The following TRAPPC8 variants were observed in gnomAD, a reference collection of about 807,000 sequenced individuals.
The protein encoded by TRAPPC8 is trafficking protein particle complex subunit 8.
In TRAPPC8, 54 loss-of-function variants were observed where a neutral mutation model predicts 174.3. That is an observed-to-expected ratio of 0.31 (90% CI 0.25 to 0.39). The LOEUF (loss-of-function observed/expected upper bound fraction) is 0.39, where lower values mean the gene tolerates loss of function less well. TRAPPC8 is among the 10% of genes least tolerant of loss of function. TRAPPC8 has a pLI of 1.00. For missense variants in TRAPPC8, 1,531 were observed against 1,699.1 expected (o/e 0.90, Z 1.74); for synonymous variants, 630 against 579.9 (o/e 1.09, Z -1.24).
intron 12 of TRAPPC8, among the ~76,000 whole-genome samples, chr18:31,877,084 G>A (rs973406301): frequency 6.6e-6 from 1 of 152,208 alleles, no homozygotes; most frequent in Non-Finnish European, 1.5e-5. Context: ...GCCCCTAGGG[G>A]AAGGGGGGAC....
intron 7 of TRAPPC8, 28 bp from the exon 8 acceptor site, chr18:31,908,446 CAAACA>C (rs1314462847): frequency 1.5e-6 from 2 of 1,316,852 alleles, no homozygotes; most frequent in African/African-American, 3.0e-5. Flanking sequence ...AATATGTTGA[CAAACA>C]AAGAATTTAG....
intron 19 of TRAPPC8, 132 bp from the exon 20 acceptor site, chr18:31,858,114 C>T (rs1256115351): frequency 7.0e-6 from 5 of 716,238 alleles, no homozygotes; most frequent in Non-Finnish European, 1.1e-5. Flanking sequence ...TTGGTATCTC[C>T]CTGAATATGT....
intron 13 of TRAPPC8, 80 bp downstream of exon 13, chr18:31,874,400 G>C (rs775530574): frequency 8.8e-6 from 12 of 1,366,492 alleles, no homozygotes; most frequent in African/African-American, 1.5e-5. Context: ...TAAAACTATC[G>C]TAAGATATGG....
intron 27 of TRAPPC8, among the ~76,000 whole-genome samples, chr18:31,835,829 A>T (rs2032680665): frequency 6.6e-6 from 1 of 152,198 alleles, no homozygotes; most frequent in South Asian, 2.1e-4. Context: ...CAAAAGTCTT[A>T]AATGTGCTTT....
At chr18:31,883,717 T>A (rs933903511) in intron 12 of TRAPPC8, 2 of 152,158 alleles carry the variant, frequency 1.3e-5, no homozygotes, top group African/African-American at 4.8e-5. Context: ...ATAACAGGTA[T>A]CTCAAATAGA....
chr18:31,907,446 C>A lies in TRAPPC8; in HGVS notation c.1389+14G>T. The A allele has an allele frequency of 6.5e-7, 1 of 1,529,048 alleles. No homozygotes were observed. The highest frequency in any genetic ancestry group is 8.8e-7 in the Non-Finnish European group (1 of 1,134,706). 94.7% of individuals were successfully genotyped at this position (1,529,048 alleles called of 1,614,324 possible). ...TAGCAGAATTAAGGAATTATAATAC[C>A]ATAGAATACCAACCAAGGCACCAGC... On this transcript the variant is annotated intron_variant, in intron 9 of 28. Transcript: ENST00000283351.
At chr18:31,898,006 G>T in intron 10 of TRAPPC8, 115 bp from the exon 11 acceptor site, 1 of 891,108 alleles carries the variant, frequency 1.1e-6, no homozygotes, top group Non-Finnish European at 1.7e-6. Flanking sequence ...GCAGGGAGAT[G>T]GTTCCAGGAC....
At chr18:31,832,412 TTTTCA>T in intron 27 of TRAPPC8, 1 of 176,094 alleles carries the variant, frequency 5.7e-6, no homozygotes, top group Non-Finnish European at 1.2e-5. Context: ...AACTATTTTA[TTTTCA>T]TTTATTAATC....
intron 25 of TRAPPC8, among the ~76,000 whole-genome samples, chr18:31,848,479 AG>A (rs1431924468): frequency 6.6e-6 from 1 of 152,218 alleles, no homozygotes; most frequent in Non-Finnish European, 1.5e-5. Flanking sequence ...AAAGTTCGGA[AG>A]AATTTGATTT....
intron 4 of TRAPPC8, among the ~76,000 whole-genome samples, chr18:31,913,997 C>G (rs1355079794): frequency 6.6e-6 from 1 of 151,826 alleles, no homozygotes; most frequent in Non-Finnish European, 1.5e-5. Context: ...GAAACCCTAT[C>G]TCTATCAAAA....
intron 28 of TRAPPC8, 56 bp downstream of exon 28, chr18:31,832,028 T>G: frequency 1.6e-6 from 2 of 1,218,004 alleles, no homozygotes; most frequent in South Asian, 2.9e-5. Context: ...TTTGCATAAT[T>G]TCAAAATATT....
At chr18:31,833,020 C>T (rs181372443) in intron 27 of TRAPPC8, among the ~76,000 whole-genome samples, 5 of 152,238 alleles carry the variant, frequency 3.3e-5, no homozygotes, top group African/African-American at 1.2e-4. Context: ...ATACCGCAAA[C>T]GTCACAGGTT....
At position 31,886,345 on chromosome 18, in the gene TRAPPC8, GAAAAAAAAAAA is replaced by G. The variant is rs397858057; in HGVS notation, c.1728+4379_1728+4389del. 1.1e-3 allele frequency among the ~76,000 whole-genome samples: 26 copies of G among 23,742 alleles called. No individual in the cohort carries two copies. The South Asian group carries it at 0.015, about 13-fold the overall frequency. The allele number at this position is 23,742 out of a possible 152,430, so 15.6% of individuals were successfully genotyped here. On this transcript the variant is annotated intron_variant, in intron 12 of 28. Transcript: ENST00000283351. Reference sequence around the variant, plus strand: ...TAATTTTTAAGTGATGTTTCTTGAGGAAAAAAAAAAAAAAAAAAAAAGGCAACCCTATCTTT... The same window carrying G: ...TAATTTTTAAGTGATGTTTCTTGAGGAAAAAAAAAAGGCAACCCTATCTTT...
chr18:31,915,479 G>A (rs2037095636), intron 4 of TRAPPC8, among the ~76,000 whole-genome samples: 1 of 129,304 alleles, frequency 7.7e-6, no homozygotes, highest in Non-Finnish European at 1.7e-5. Context: ...AGGGGGGGGG[G>A]GCGCAGGCGC....
intron 11 of TRAPPC8, chr18:31,896,292 C>A (rs1313695261): frequency 6.6e-6 from 1 of 151,730 alleles, no homozygotes; most frequent in African/African-American, 2.4e-5. Flanking sequence ...TTAAGAAAAA[C>A]CAACAACAAA....
chr18:31,854,777 G>A (rs974292625), intron 21 of TRAPPC8, among the ~76,000 whole-genome samples: 4 of 151,722 alleles, frequency 2.6e-5, no homozygotes, highest in Admixed American at 6.6e-5. Context: ...GACCATCCTG[G>A]CTAACATGGT....
At chr18:31,916,467 G>T in intron 3 of TRAPPC8, 21 bp from the exon 4 acceptor site, 2 of 1,587,466 alleles carry the variant, frequency 1.3e-6, no homozygotes, top group Non-Finnish European at 8.6e-7. Context: ...ATATTATTAA[G>T]GTAATTATCG....
At chr18:31,872,563 G>T (rs1279245683) in intron 14 of TRAPPC8, among the ~76,000 whole-genome samples, 5 of 152,052 alleles carry the variant, frequency 3.3e-5, no homozygotes, top group Non-Finnish European at 7.4e-5. Context: ...GGGACTACAG[G>T]CGCATGCCAC....
At chr18:31,861,224 A>G (rs1452748688) in intron 19 of TRAPPC8, among the ~76,000 whole-genome samples, 26 of 152,220 alleles carry the variant, frequency 1.7e-4, no homozygotes, top group Admixed American at 1.6e-3. Flanking sequence ...TTTTCACTTT[A>G]CAAGCTTTGT....
Sources: gnomAD v4.1 joint callset for allele counts (sites outside exome capture counted in the v4.1 genomes callset) on GRCh38, gnomAD v4.1.1 for gene constraint, MANE v1.5 for transcripts, NCBI Gene and HGNC (gene_info 2026-07-23, HGNC 2026-07-21) for gene names.